UTP20: variants seen among roughly 807,000 people sequenced by gnomAD.
UTP20 encodes small subunit processome component 20 homolog.
Under a neutral mutation model 329.5 loss-of-function variants are expected in UTP20, and 164 were observed. The ratio of observed to expected loss-of-function variants is 0.50; its 90% CI spans 0.44 to 0.57. UTP20 has a LOEUF of 0.57. UTP20 is among the 20% of genes least tolerant of loss of function. The pLI, the probability that UTP20 is intolerant of heterozygous loss-of-function variation, is 0.00. For synonymous variants in UTP20, 1,151 were observed against 1,159.3 expected, an observed-to-expected ratio of 0.99 and a Z score of 0.14; for missense variants, 3,055 against 3,284.2, an observed-to-expected ratio of 0.93 and a Z score of 1.71.
At chr12:101,348,368 G>A (rs1195652970) in intron 38 of UTP20, among the ~76,000 whole-genome samples, 1 of 151,312 alleles carries the variant, frequency 6.6e-6, no homozygotes, top group Non-Finnish European at 1.5e-5. Flanking sequence ...TTTTTCTATT[G>A]GATTAATTGT....
chr12:101,378,099 C>T (rs542440057), intron 56 of UTP20, among the ~76,000 whole-genome samples: 109 of 152,230 alleles, frequency 7.2e-4, no homozygotes, highest in Admixed American at 1.4e-3. Context: ...AGAATGGCCA[C>T]GTAGCCAAAT....
chr12:101,317,528 G>A lies in UTP20; in HGVS notation c.2603G>A (p.Arg868Gln), dbSNP rs759190580. The A allele has an allele frequency of 3.2e-5, 51 of 1,614,032 alleles. No individual in the cohort carries two copies. In the South Asian group the frequency reaches 4.6e-4, roughly 15 times the overall value. Reference sequence around the variant, plus strand: ...CAAGTTGCTCCAACCCAGGATCTACGGAGAAAAGGCAAAGGGATGGTGGCA... The same window carrying A: ...CAAGTTGCTCCAACCCAGGATCTACAGAGAAAAGGCAAAGGGATGGTGGCA... Reference protein sequence around the residue: ...DLQVAPTQDLRRKGKGMVAEE... With the variant: ...DLQVAPTQDLQRKGKGMVAEE... Residue 868 changes from arginine to glutamine, a missense_variant, in exon 22 of 62, where the codon CGG (arginine) becomes CAG (glutamine). Arg to Gln is a conservative substitution (Grantham distance 43). Coordinates refer to ENST00000261637, the MANE Select transcript of UTP20 (RefSeq NM_014503.3).
chr12:101,354,807 G>A (rs768914890), intron 40 of UTP20, 25 bp from the exon 41 acceptor site: 1 of 1,598,270 alleles, frequency 6.3e-7, no homozygotes. Context: ...GCTTTAAGGT[G>A]ACTTTTGTTG....
At position 101,302,535 on chromosome 12, in the gene UTP20, G is replaced by A. The variant is rs748832576; in HGVS notation, c.1763G>A (p.Arg588His). 1.9e-5 allele frequency: 31 copies of A among 1,607,330 alleles called. No homozygotes were observed. The highest frequency in any genetic ancestry group is 3.4e-5 in the Admixed American group (2 of 58,980). The change falls in exon 15 of 62, where the codon CGT becomes CAT. Residue 588 changes from arginine to histidine, a missense_variant. Physicochemically the swap from Arg to His is conservative, Grantham distance 29. This residue lies in a region of UTP20 where 2,445 missense variants were observed against 2,575.5 expected (regional missense o/e 0.95). Transcript: ENST00000261637. ...SELLHLVPVE[R>H]VKNLVLTFPL... ...CTTCTTCATTTGGTTCCTGTGGAAC[G>A]TGTGAAGAATTTAGTATTGTAAGTA...
At chr12:101,333,867 T>C (rs1172421240) in intron 28 of UTP20, among the ~76,000 whole-genome samples, 4 of 152,338 alleles carry the variant, frequency 2.6e-5, no homozygotes, top group Middle Eastern at 6.8e-3. Context: ...TTTCGCCATG[T>C]TGGCCAGGCT....
chr12:101,355,060 T>C lies in UTP20; in HGVS notation c.5336T>C (p.Ile1779Thr), dbSNP rs1368112919. Residue 1779 changes from isoleucine (I) to threonine (T), a missense_variant, in exon 41 of 62, where the codon ATC becomes ACC. By Grantham distance (89) the Ile-to-Thr change is moderately conservative (BLOSUM62 -1). Transcript: ENST00000261637. ...GAAATAGAGAGAACAATTAAAAATATCCAAGGAACCATAACCGGGGATATT... is the reference window on the plus strand; with the variant it reads ...GAAATAGAGAGAACAATTAAAAATACCCAAGGAACCATAACCGGGGATATT... ...KEEIERTIKN[I>T]QGTITGDILP... is the part of the protein sequence containing the mutation. The C allele has an allele frequency of 6.2e-7, 1 of 1,614,048 alleles. No homozygotes were observed. Among genetic ancestry groups the C allele is most frequent in the Non-Finnish European group, 8.5e-7 (1 of 1,180,044 alleles).
chr12:101,309,743 C>G lies in UTP20; in HGVS notation c.2155-20C>G. 6.2e-7 allele frequency: 1 copy of G among 1,607,312 alleles called. No homozygotes were observed. The highest frequency in any genetic ancestry group is 8.5e-7 in the Non-Finnish European group (1 of 1,174,190). ...CTGTATTTCATTACCCAATACTAAA[C>G]TAGTCTTTTGTAATTGCAGGTGCCG... On this transcript the variant is annotated intron_variant, in intron 18 of 61. Coordinates refer to ENST00000261637, the MANE Select transcript of UTP20 (RefSeq NM_014503.3).
In UTP20 at chr12:101,280,153, C is replaced by T; in HGVS notation, c.-130C>T. Reference sequence around the variant, plus strand: ...ACATGGCGGCGCCCAGGGGCTCAAGCCGCACGTGAGAAAGTCTGGGCATCT... The same window carrying T: ...ACATGGCGGCGCCCAGGGGCTCAAGTCGCACGTGAGAAAGTCTGGGCATCT... On this transcript the variant is annotated 5_prime_UTR_variant, in exon 1 of 62. Transcript: ENST00000261637. 2.4e-6 allele frequency: 3 copies of T among 1,235,954 alleles called. No homozygotes were observed. The highest frequency in any genetic ancestry group is 3.4e-6 in the Non-Finnish European group (3 of 891,334). The allele number at this position is 1,235,954 out of a possible 1,614,324, so 76.6% of individuals were successfully genotyped here.
Position 101,319,539 on chromosome 12 carries a change from G to A in UTP20, c.2739-6G>A. The A allele has an allele frequency of 1.9e-6, 3 of 1,592,616 alleles. No homozygotes were observed. The highest frequency in any genetic ancestry group is 2.6e-6 in the Non-Finnish European group (3 of 1,174,776). On this transcript the variant is annotated splice_region_variant and splice_polypyrimidine_tract_variant and intron_variant, in intron 22 of 61. Transcript: ENST00000261637. ...CTGTAACACTCTCTGTTTTGTTTTT[G>A]TTTAGGCAATTAATTGCTCATTTGC...
At chr12:101,360,481 G>A (rs1352657605) in intron 43 of UTP20, among the ~76,000 whole-genome samples, 1 of 152,094 alleles carries the variant, frequency 6.6e-6, no homozygotes, top group Non-Finnish European at 1.5e-5. Context: ...AAAAATCATA[G>A]ATCAAAACAT....
At chr12:101,323,708 A>G (rs995930318) in intron 25 of UTP20, among the ~76,000 whole-genome samples, 3 of 151,382 alleles carry the variant, frequency 2.0e-5, no homozygotes, top group Non-Finnish European at 4.4e-5. Flanking sequence ...TTTTCTTCTC[A>G]TTCTGTTTGT....
chr12:101,385,772 T>A, intron 61 of UTP20, 44 bp downstream of exon 61: 1 of 1,589,392 alleles, frequency 6.3e-7, no homozygotes, highest in Non-Finnish European at 8.5e-7. Context: ...CTGGACTTGA[T>A]AACTACTAAG....
intron 15 of UTP20, 146 bp from the exon 16 acceptor site, chr12:101,305,769 T>G (rs562910532): frequency 3.7e-5 from 33 of 895,234 alleles, no homozygotes; most frequent in Non-Finnish European, 4.6e-5. Context: ...TCTTCATCTA[T>G]GAAGTGAGCC....
chr12:101,296,020 G>A (rs748826234), intron 12 of UTP20, among the ~76,000 whole-genome samples: 11 of 152,108 alleles, frequency 7.2e-5, no homozygotes, highest in Non-Finnish European at 1.2e-4. Flanking sequence ...GAGAGGTTTC[G>A]TATACTCTTC....
chr12:101,303,326 C>T (rs905694367), intron 15 of UTP20, among the ~76,000 whole-genome samples: 7 of 152,066 alleles, frequency 4.6e-5, no homozygotes, highest in African/African-American at 1.4e-4. Context: ...AACTATATAG[C>T]GTGTTAGGAG....
At chr12:101,373,961 C>T (rs905156805) in intron 54 of UTP20, among the ~76,000 whole-genome samples, 194 bp downstream of exon 54, 1 of 152,166 alleles carries the variant, frequency 6.6e-6, no homozygotes, top group African/African-American at 2.4e-5. Flanking sequence ...ATAGGCCGGG[C>T]GCGGTGGCTC....
intron 2 of UTP20, among the ~76,000 whole-genome samples, chr12:101,285,161 G>GT (rs1871918337): frequency 1.3e-5 from 2 of 152,192 alleles, no homozygotes; most frequent in East Asian, 1.9e-4. Flanking sequence ...GTCAAAGAGC[G>GT]TAACTATTTT....
At chr12:101,292,664 G>A (rs57886138) in intron 10 of UTP20, among the ~76,000 whole-genome samples, 3,512 of 152,284 alleles carry the variant, frequency 0.023, 90 homozygotes, top group African/African-American at 0.064. Flanking sequence ...CAGAAAAGAC[G>A]TGTGTTCATA....
rs1471976750 is a variant in UTP20, at chr12:101,282,816, G to T, written c.126+1620G>T. Among the ~76,000 whole-genome samples, 7 of 152,186 alleles carry T rather than the reference G, an allele frequency of 4.6e-5. No individual in the cohort carries two copies. In the East Asian group the frequency reaches 9.6e-4, roughly 21 times the overall value. ...GAGGATTTGACTGTTATCTAAGTAA[G>T]AAATGATTATGGTAGCAGCAATCAA... is the stretch of plus-strand genomic sequence containing the variant. On this transcript the variant is annotated intron_variant, in intron 2 of 61. Coordinates refer to ENST00000261637, the MANE Select transcript of UTP20 (RefSeq NM_014503.3).
Sources: allele counts gnomAD v4.1 joint callset (sites outside exome capture counted in the v4.1 genomes callset), GRCh38; gene constraint gnomAD v4.1.1; regional missense constraint gnomAD v4.1.1; transcripts MANE v1.5; gene names NCBI Gene and HGNC (gene_info 2026-07-23, HGNC 2026-07-21).